Variants in CALN1 observed in about 807,000 individuals in gnomAD.
The protein encoded by CALN1 is calneuron 1, also known as calcium-binding protein 8.
Under a neutral mutation model 30.6 loss-of-function variants are expected in CALN1, and 17 were observed. The observed-to-expected ratio is 0.56, with a 90% CI of 0.38 to 0.83. CALN1 has a LOEUF of 0.83. CALN1 is among the 40% of genes least tolerant of loss of function. CALN1 has a pLI of 0.00. For missense variants in CALN1, 291 were observed against 354.9 expected (o/e 0.82, Z 1.45); for synonymous variants, 156 against 131.4 (o/e 1.19, Z -1.28).
At chr7:71,873,275 T>C (rs2116752608) in intron 5 of CALN1, among the ~76,000 whole-genome samples, 1 of 152,232 alleles carries the variant, frequency 6.6e-6, no homozygotes, top group African/African-American at 2.4e-5. Context: ...CCCAAAGTGC[T>C]GGGATTACAG....
the CALN1 span, among the ~76,000 whole-genome samples, chr7:72,470,148 C>T: frequency 6.6e-6 from 1 of 152,206 alleles, no homozygotes; most frequent in East Asian, 1.9e-4. Context: ...CTGAAGCTTA[C>T]CAACTATATC....
chr7:72,393,298 A>G (rs1362850754), intron 2 of CALN1, among the ~76,000 whole-genome samples: 1 of 152,030 alleles, frequency 6.6e-6, no homozygotes, highest in East Asian at 1.9e-4. Context: ...CCCCATCTCT[A>G]CTAAAAATAC....
intron 1 of CALN1, among the ~76,000 whole-genome samples, chr7:72,420,861 G>T (rs531917236): frequency 2.0e-5 from 3 of 152,080 alleles, no homozygotes; most frequent in African/African-American, 7.2e-5. Context: ...TGATCCACCC[G>T]CCTCAGCCTC....
intron 1 of CALN1, among the ~76,000 whole-genome samples, chr7:72,436,187 C>A (rs1048410720): frequency 1.3e-5 from 2 of 152,210 alleles, no homozygotes; most frequent in Non-Finnish European, 2.9e-5. Flanking sequence ...TGTGTCCCCA[C>A]CCAAGTCTCA....
intron 2 of CALN1, among the ~76,000 whole-genome samples, chr7:72,342,300 A>G (rs1279514843): frequency 6.6e-6 from 1 of 151,906 alleles, no homozygotes; most frequent in Non-Finnish European, 1.5e-5. Context: ...GAACTAGAGA[A>G]GCTGGATGGC....
At chr7:72,103,056 A>G (rs1806794310) in intron 4 of CALN1, 1 of 137,526 alleles carries the variant, frequency 7.3e-6, no homozygotes, top group African/African-American at 2.8e-5. Flanking sequence ...CTGGTGACAG[A>G]GCGAGACTCC....
At chr7:72,262,203 C>A (rs1447891449) in intron 3 of CALN1, among the ~76,000 whole-genome samples, 1 of 152,200 alleles carries the variant, frequency 6.6e-6, no homozygotes, top group Non-Finnish European at 1.5e-5. Context: ...TAGGACACAT[C>A]TACTAACTTT....
intron 4 of CALN1, among the ~76,000 whole-genome samples, chr7:72,088,735 A>AAGAAGAAAGAAGAAAGAAG (rs1394871387): frequency 6.0e-5 from 9 of 149,602 alleles, no homozygotes; most frequent in African/African-American, 2.0e-4. Flanking sequence ...AGAAAGAAGA[A>AAGAAGAAAGAAGAAAGAAG]GGAAGGAAGG....
intron 5 of CALN1, among the ~76,000 whole-genome samples, chr7:71,891,741 C>T (rs938047355): frequency 6.6e-6 from 1 of 151,904 alleles, no homozygotes; most frequent in Non-Finnish European, 1.5e-5. Context: ...GTCAGGAGTT[C>T]GAGACCAGTC....
rs75919946 is a variant in CALN1 at position 72,428,141 on chromosome 7, C to A, written c.-225-15866G>T. On this transcript the variant is annotated intron_variant, in intron 1 of 6. Coordinates refer to the CALN1 transcript ENST00000395276. ...TGCTGTTTTCCATCATAGCATTGAT[C>A]ACTGTGAGGAATGATCATATATCTG... 2.9e-3 allele frequency among the ~76,000 whole-genome samples: 447 copies of A among 152,296 alleles called. 2 individuals carry two copies. The highest frequency in any genetic ancestry group is 0.011 in the African/African-American group (437 of 41,570).
At position 72,113,714 on chromosome 7, in the gene CALN1, C is replaced by G. The variant is rs112193975; in HGVS notation, c.245-7420G>C. On this transcript the variant is annotated intron_variant, in intron 3 of 6. Transcript: ENST00000395275. ...TTCTCCTGTTTTTGTGCTATACCAG[C>G]AGAATGGAATAATTGTGACAGGAAC... 9.0e-3 allele frequency among the ~76,000 whole-genome samples: 1,369 copies of G among 152,328 alleles called. 15 individuals carry two copies. The highest frequency in any genetic ancestry group is 0.029 in the African/African-American group (1,196 of 41,566).
At chr7:71,900,510 CACT>C (rs1793790186) in intron 5 of CALN1, among the ~76,000 whole-genome samples, 1 of 152,116 alleles carries the variant, frequency 6.6e-6, no homozygotes, top group Non-Finnish European at 1.5e-5. Context: ...TTCTATACAC[CACT>C]AACAATCAAG....
chr7:72,316,444 A>G (rs1800451879), intron 2 of CALN1, among the ~76,000 whole-genome samples: 1 of 152,072 alleles, frequency 6.6e-6, no homozygotes, highest in Non-Finnish European at 1.5e-5. Context: ...TGGATGCTGC[A>G]ACCCCTTCAG....
intron 4 of CALN1, among the ~76,000 whole-genome samples, chr7:72,076,611 CAAAAAAAAA>C (rs572245834): frequency 0.068 from 408 of 6,036 alleles, 1 homozygote; most frequent in East Asian, 0.17. Context: ...AAAAAAAAAG[CAAAAAAAAA>C]AAAAAAAAAA....
At chr7:71,794,002 ATTTC>A (rs1368271776) in intron 6 of CALN1, among the ~76,000 whole-genome samples, 1 of 152,148 alleles carries the variant, frequency 6.6e-6, no homozygotes, top group Non-Finnish European at 1.5e-5. Flanking sequence ...AAATGCTCCT[ATTTC>A]TTTATTGAAC....
At chr7:72,190,289 T>C (rs531981768) in intron 3 of CALN1, among the ~76,000 whole-genome samples, 75 of 152,286 alleles carry the variant, frequency 4.9e-4, no homozygotes, top group Non-Finnish European at 9.3e-4. Flanking sequence ...GAGGTTGCAG[T>C]GAGCCGAGCC....
At chr7:72,139,312 T>A (rs1023281629) in intron 3 of CALN1, among the ~76,000 whole-genome samples, 11 of 151,072 alleles carry the variant, frequency 7.3e-5, no homozygotes, top group Middle Eastern at 3.5e-3. Flanking sequence ...CACCCTCTTC[T>A]ACCCACCTCA....
At position 71,787,536 on chromosome 7, in the gene CALN1, T is replaced by C. The variant is rs1793045393; in HGVS notation, c.*239A>G. ...ATAATTTGGAAATCCTGGCGATTTA[T>C]TGCATTAGAAAACAAAACCATTAAA... On this transcript the variant is annotated 3_prime_UTR_variant, in exon 7 of 7. Transcript: ENST00000395275. 1 of 444,796 alleles carries C rather than the reference T, an allele frequency of 2.2e-6. No homozygotes were observed. The highest frequency in any genetic ancestry group is 3.5e-5 in the Admixed American group (1 of 28,618). The allele number at this position is 444,796 out of a possible 1,614,324, so 27.6% of individuals were successfully genotyped here.
rs543414732 is a variant in CALN1 at position 72,408,504 on chromosome 7, G to A, written c.-74+3554C>T. On this transcript the variant is annotated intron_variant, in intron 1 of 6. Transcript: ENST00000395275. ...AGACTCTCTAGACGTGAAGGTCAGA[G>A]AGCGTAACTGGAATATGTTGGTGAT... Among the ~76,000 whole-genome samples the A allele has an allele frequency of 5.3e-5, 8 of 151,992 alleles. No individual in the cohort carries two copies. In the South Asian group the frequency reaches 1.7e-3, roughly 32 times the overall value.
Sources: gnomAD v4.1 joint callset for allele counts (sites outside exome capture counted in the v4.1 genomes callset) on GRCh38, gnomAD v4.1.1 for gene constraint, MANE v1.5 for transcripts, NCBI Gene and HGNC (gene_info 2026-07-23, HGNC 2026-07-21) for gene names.